Variants in AUTS2 observed in about 807,000 individuals in gnomAD.
The protein encoded by AUTS2 is activator of transcription and developmental regulator AUTS2.
Under a neutral mutation model 112.4 loss-of-function variants are expected in AUTS2, and 17 were observed. The observed-to-expected ratio is 0.15, with a 90% CI of 0.10 to 0.23. The LOEUF (loss-of-function observed/expected upper bound fraction) is 0.23, where lower values mean the gene tolerates loss of function less well. AUTS2 is among the 10% of genes least tolerant of loss of function. The pLI, the probability that AUTS2 is intolerant of heterozygous loss-of-function variation, is 1.00. For missense variants in AUTS2, 1,510 were observed against 1,701.6 expected, an observed-to-expected ratio of 0.89 and a Z score of 1.98; for synonymous variants, 751 against 702.7, an observed-to-expected ratio of 1.07 and a Z score of -1.09.
chr7:69,802,937 G>A (rs1463976940), intron 1 of AUTS2, among the ~76,000 whole-genome samples: 1 of 152,166 alleles, frequency 6.6e-6, no homozygotes, highest in East Asian at 1.9e-4. Flanking sequence ...TGTGTTGACT[G>A]TTCATGGCAG....
At chr7:70,574,832 C>T (rs145485326) in intron 5 of AUTS2, among the ~76,000 whole-genome samples, 1 of 152,170 alleles carries the variant, frequency 6.6e-6, no homozygotes, top group African/African-American at 2.4e-5. Flanking sequence ...CCCCGACCCC[C>T]TCATGGCCAC....
intron 1 of AUTS2, among the ~76,000 whole-genome samples, chr7:69,736,118 A>G (rs1287236608): frequency 6.6e-6 from 1 of 152,208 alleles, no homozygotes; most frequent in Non-Finnish European, 1.5e-5. Flanking sequence ...AAAATTGTTT[A>G]AAGTGGTACT....
chr7:70,206,159 G>A (rs193259441), intron 4 of AUTS2, among the ~76,000 whole-genome samples: 4 of 152,158 alleles, frequency 2.6e-5, no homozygotes, highest in Admixed American at 6.5e-5. Flanking sequence ...GTCCCCCTCC[G>A]TTAATGCACA....
At chr7:70,279,057 G>A (rs765287887) in intron 4 of AUTS2, among the ~76,000 whole-genome samples, 2 of 152,160 alleles carry the variant, frequency 1.3e-5, no homozygotes, top group Non-Finnish European at 2.9e-5. Flanking sequence ...TTATAATAAT[G>A]CATTTAATTT....
At chr7:70,106,911 G>T (rs533048690) in intron 2 of AUTS2, among the ~76,000 whole-genome samples, 140 of 148,348 alleles carry the variant, frequency 9.4e-4, no homozygotes, top group Non-Finnish European at 1.4e-3. Context: ...AAAAGGAGTG[G>T]TTTTTTTTTT....
chr7:69,659,533 T>C (rs1381456848), intron 1 of AUTS2, among the ~76,000 whole-genome samples: 2 of 150,646 alleles, frequency 1.3e-5, no homozygotes, highest in South Asian at 2.1e-4. Context: ...CAGCTCTGCA[T>C]GATAGGGATA....
chr7:69,901,127 T>C lies in AUTS2; in HGVS notation c.522+1629T>C, dbSNP rs533139040. On this transcript the variant is annotated intron_variant, in intron 2 of 18. Coordinates refer to ENST00000342771, the MANE Select transcript of AUTS2 (RefSeq NM_015570.4). ...GATGAAGTTTTATTTATTTTTTTCT[T>C]GATAGGGAGTTGGGGAGAGGGAGGA... Among the ~76,000 whole-genome samples the C allele has an allele frequency of 1.1e-4, 16 of 152,274 alleles. 2 individuals are homozygous for C. The South Asian group carries it at 2.9e-3, about 28-fold the overall frequency.
At chr7:70,229,952 T>C (rs534542872) in intron 4 of AUTS2, among the ~76,000 whole-genome samples, 1 of 152,330 alleles carries the variant, frequency 6.6e-6, no homozygotes, top group South Asian at 2.1e-4. Context: ...CTCTATTTGA[T>C]GAATTATGAC....
At chr7:70,429,236 A>G (rs992513649) in intron 4 of AUTS2, among the ~76,000 whole-genome samples, 2 of 152,246 alleles carry the variant, frequency 1.3e-5, no homozygotes, top group Non-Finnish European at 2.9e-5. Context: ...ACTTGTCAGT[A>G]TAATTGAGCA....
chr7:70,746,260 C>G (rs576886321), intron 6 of AUTS2, among the ~76,000 whole-genome samples: 36 of 152,306 alleles, frequency 2.4e-4, no homozygotes, highest in Admixed American at 7.8e-4. Context: ...ATTCTCCTGC[C>G]TCAGCCTCCT....
At chr7:69,967,702 T>A (rs1281629108) in intron 2 of AUTS2, among the ~76,000 whole-genome samples, 3 of 152,146 alleles carry the variant, frequency 2.0e-5, no homozygotes, top group African/African-American at 7.2e-5. Flanking sequence ...TATTGTGGGT[T>A]TTTTGTTTTT....
At chr7:70,626,956 A>G (rs1804984283) in intron 5 of AUTS2, among the ~76,000 whole-genome samples, 1 of 152,212 alleles carries the variant, frequency 6.6e-6, no homozygotes. Flanking sequence ...CACTCTTGTG[A>G]ATAGTGCTGT....
intron 2 of AUTS2, among the ~76,000 whole-genome samples, chr7:69,960,868 C>T (rs1375027778): frequency 6.6e-6 from 1 of 152,056 alleles, no homozygotes; most frequent in African/African-American, 2.4e-5. Flanking sequence ...TTTCTAGGTG[C>T]TCATCAACTT....
chr7:70,308,511 G>GAAGTTAACT (rs1247162705), intron 4 of AUTS2, among the ~76,000 whole-genome samples: 2 of 152,202 alleles, frequency 1.3e-5, no homozygotes, highest in Non-Finnish European at 2.9e-5. Flanking sequence ...AAGTGCGGCT[G>GAAGTTAACT]AAGTTAACTC....
At chr7:69,733,795 A>G (rs751374271) in intron 1 of AUTS2, among the ~76,000 whole-genome samples, 6 of 152,162 alleles carry the variant, frequency 3.9e-5, no homozygotes, top group Admixed American at 1.3e-4. Flanking sequence ...GTCTCCCAAC[A>G]TTCAACATTG....
At chr7:70,149,740 ACTAT>A (rs1703110564) in intron 4 of AUTS2, among the ~76,000 whole-genome samples, 1 of 152,088 alleles carries the variant, frequency 6.6e-6, no homozygotes, top group African/African-American at 2.4e-5. Flanking sequence ...AAATGGTGTA[ACTAT>A]CCAATGAATA....
chr7:69,951,781 A>G (rs1459447204), intron 2 of AUTS2, among the ~76,000 whole-genome samples: 3 of 152,170 alleles, frequency 2.0e-5, no homozygotes, highest in Non-Finnish European at 4.4e-5. Flanking sequence ...CATTAGGGGT[A>G]TCCATTAGCT....
At chr7:70,042,232 T>A (rs1260446357) in intron 2 of AUTS2, among the ~76,000 whole-genome samples, 1 of 149,252 alleles carries the variant, frequency 6.7e-6, no homozygotes, top group African/African-American at 2.5e-5. Context: ...CAATCTTACT[T>A]GAACAGCATT....
At chr7:70,750,815 A>G (rs1160468193) in intron 6 of AUTS2, among the ~76,000 whole-genome samples, 11 of 152,248 alleles carry the variant, frequency 7.2e-5, no homozygotes, top group Admixed American at 7.2e-4. Context: ...CAATCATCAG[A>G]TGCAAAGCAG....
Sources: gnomAD v4.1 joint callset for allele counts (sites outside exome capture counted in the v4.1 genomes callset) on GRCh38, gnomAD v4.1.1 for gene constraint, MANE v1.5 for transcripts, NCBI Gene and HGNC (gene_info 2026-07-23, HGNC 2026-07-21) for gene names.